CBARP: variants seen among roughly 807,000 people sequenced by gnomAD.
The protein encoded by CBARP is voltage-dependent calcium channel beta subunit-associated regulatory protein.
CBARP carries 24 observed loss-of-function variants against 36.3 expected under a neutral mutation model. That is an observed-to-expected ratio of 0.66 (90% CI 0.48 to 0.93). The LOEUF is 0.93. Among genes scored for constraint, CBARP ranks in the 40% least tolerant of loss-of-function variants. The pLI is 0.00. For missense variants in CBARP, 1,146 were observed against 980.4 expected (o/e 1.17, Z -2.26); for synonymous variants, 586 against 453.2 (o/e 1.29, Z -3.72).
chr19:1,229,283 C>T lies in CBARP; in HGVS notation c.2014G>A (p.Gly672Ser), dbSNP rs1222339206. 1.6e-6 allele frequency: 2 copies of T among 1,257,630 alleles called. No individual in the cohort carries two copies. Among genetic ancestry groups the T allele is most frequent in the Admixed American group, 2.5e-5 (1 of 39,788 alleles). 77.9% of individuals were successfully genotyped at this position (1,257,630 alleles called of 1,614,324 possible). The change falls in exon 10 of 10, where the codon GGC becomes AGC. Residue 672 changes from glycine to serine, a missense_variant. Transcript: ENST00000650044. The surrounding 1 kb of genome is among the most constrained non-coding windows in gnomAD (Gnocchi z 5.1). ...SGSVLDKLAAGLDERLFPPRL... is the reference protein window; with the variant it reads ...SGSVLDKLAASLDERLFPPRL... ...GGCGGAAAGAGTCTCTCGTCGAGGC[C>T]AGCCGCCAGCTTGTCCAGCACCGAC...
chr19:1,236,664 C>A (rs905776613), intron 1 of CBARP, among the ~76,000 whole-genome samples: 1 of 151,926 alleles, frequency 6.6e-6, no homozygotes, highest in Non-Finnish European at 1.5e-5. Context: ...GCGCGTGCTC[C>A]CGGGTCACGA....
Position 1,236,063 on chromosome 19 carries a change from G to A in CBARP, c.38C>T (p.Thr13Ile), listed in dbSNP as rs149099368. The change falls in exon 2 of 10, where the codon ACC becomes ATC. Residue 13 changes from threonine to isoleucine, a missense_variant. Transcript: ENST00000650044. Reference protein sequence around the residue: ...PTATMATAATTTTTTTATVAL... With the variant: ...PTATMATAATITTTTTATVAL... ...TACTGTGGCAGTGGTGGTGGTGGTG[G>A]TGGTGGCGGCTGTGGCCATGGTGGC... is the stretch of plus-strand genomic sequence containing the variant. 1.8e-4 allele frequency: 278 copies of A among 1,517,286 alleles called. 1 individual carries two copies. In the African/African-American group the frequency reaches 3.1e-3, roughly 17 times the overall value. The allele number at this position is 1,517,286 out of a possible 1,614,324, so 94.0% of individuals were successfully genotyped here. A position where few individuals can be genotyped will look rare whatever the true frequency, so the allele number is the denominator to read the frequency against.
chr19:1,235,428 G>A, intron 4 of CBARP, 73 bp downstream of exon 4: 1 of 1,442,392 alleles, frequency 6.9e-7, no homozygotes, highest in Non-Finnish European at 9.3e-7. Flanking sequence ...CGGTCAGGCA[G>A]CCCGAGGGGG....
chr19:1,232,054 A>C (rs1399837647), intron 8 of CBARP, among the ~76,000 whole-genome samples: 1 of 152,030 alleles, frequency 6.6e-6, no homozygotes, highest in Non-Finnish European at 1.5e-5. Flanking sequence ...CTCTCCTGCC[A>C]GCTCCACCCT....
chr19:1,234,519 C>G (rs558899960), intron 6 of CBARP, 52 bp downstream of exon 6: 4 of 1,537,808 alleles, frequency 2.6e-6, no homozygotes, highest in African/African-American at 1.4e-5. Context: ...CGGGAGTCCC[C>G]GGGGCTGCCT....
intron 9 of CBARP, chr19:1,230,824 C>T (rs894750835): frequency 1.4e-6 from 2 of 1,471,756 alleles, no homozygotes; most frequent in South Asian, 1.4e-5. Flanking sequence ...AGGCCTCGGA[C>T]TCCACCAGCA....
At chr19:1,230,928 A>G (rs974539910) in intron 9 of CBARP, 173 bp downstream of exon 9, 2 of 1,582,256 alleles carry the variant, frequency 1.3e-6, no homozygotes, top group African/African-American at 1.4e-5. Flanking sequence ...CCTCTGGTCC[A>G]TGCTGGAGAG....
chr19:1,234,555 C>T lies in CBARP; in HGVS notation c.627+16G>A, dbSNP rs1423043911. ...CCCGTCCCCCGAGGAACCGGGGCTG[C>T]TGCCCATAGGCTCACCTGGAAGATG... On this transcript the variant is annotated intron_variant, in intron 6 of 9. Transcript: ENST00000650044. 1.9e-6 allele frequency: 3 copies of T among 1,589,252 alleles called. No homozygotes were observed. The highest frequency in any genetic ancestry group is 2.7e-5 in the African/African-American group (2 of 74,710).
chr19:1,235,488 G>A lies in CBARP; in HGVS notation c.310+13C>T, dbSNP rs3213645. ...GACAGGCGAGCGCACAGCCAGGCTG[G>A]CCAGCACCTCACCTTGGGCTGGGTG... On this transcript the variant is annotated intron_variant, in intron 4 of 9. Coordinates refer to ENST00000650044, the MANE Select transcript of CBARP (RefSeq NM_001393918.1). The A allele has an allele frequency of 0.052, 81,813 of 1,576,618 alleles. 3,195 individuals are homozygous for A. Among genetic ancestry groups the A allele is most frequent in the African/African-American group, 0.15 (11,308 of 73,474 alleles).
intron 8 of CBARP, 115 bp downstream of exon 8, chr19:1,233,311 G>C: frequency 3.7e-6 from 4 of 1,091,330 alleles, no homozygotes; most frequent in Non-Finnish European, 5.2e-6. Flanking sequence ...CTCAGCCCCA[G>C]AGCACCGGCT....
rs1034084639 is a variant in CBARP, at chr19:1,237,781, GGGCGGCGGGCT to G, written c.-58_-48del. 1.3e-4 allele frequency: 19 copies of G among 149,644 alleles called. No individual in the cohort carries two copies. Among genetic ancestry groups the G allele is most frequent in the East Asian group, 5.8e-4 (3 of 5,146 alleles). 9.3% of individuals were successfully genotyped at this position (149,644 alleles called of 1,614,324 possible). A position where few individuals can be genotyped will look rare whatever the true frequency, so the allele number is the denominator to read the frequency against. ...CTCAGCGCCGGGACGAGCGGCCCATGGGCGGCGGGCTGGCGGCGGGCGGCTGCGTGGCGCTC... is the reference window on the plus strand; with the variant it reads ...CTCAGCGCCGGGACGAGCGGCCCATGGGCGGCGGGCGGCTGCGTGGCGCTC... On this transcript the variant is annotated 5_prime_UTR_variant, in exon 1 of 10. Coordinates refer to ENST00000650044, the MANE Select transcript of CBARP (RefSeq NM_001393918.1).
In CBARP at chr19:1,229,478, C is replaced by A. The variant is rs1177060018; in HGVS notation, c.1819G>T (p.Gly607Cys). The change falls in exon 10 of 10, where the codon GGC (glycine) becomes TGC (cysteine). Residue 607 changes from glycine (G) to cysteine (C), a missense_variant. Gly to Cys is a radical substitution (Grantham distance 159, BLOSUM62 -3). Transcript: ENST00000650044. The surrounding 1 kb of genome is among the most constrained non-coding windows in gnomAD (Gnocchi z 5.1). The stretch of plus-strand genomic sequence containing the variant: ...GGCGCACGCGCGGGTCGGGCCGCGC[C>A]GGCAGGCGGTGCCGGGGTTCCGGCC... ...ALAGTPAPPA[G>C]AARPARAPLR... 1.0e-6 allele frequency: 1 copy of A among 978,910 alleles called. No homozygotes were observed. The highest frequency in any genetic ancestry group is 1.2e-6 in the Non-Finnish European group (1 of 827,644). The allele number at this position is 978,910 out of a possible 1,614,324, so 60.6% of individuals were successfully genotyped here. A position where few individuals can be genotyped will look rare whatever the true frequency, so the allele number is the denominator to read the frequency against.
In CBARP at chr19:1,234,894, G is replaced by A. The variant is rs2080944118; in HGVS notation, c.455+107C>T. The A allele has an allele frequency of 2.7e-6, 4 of 1,506,464 alleles. No homozygotes were observed. In the Admixed American group the frequency reaches 8.0e-5, roughly 30 times the overall value. 93.3% of individuals were successfully genotyped at this position (1,506,464 alleles called of 1,614,324 possible). A position where few individuals can be genotyped will look rare whatever the true frequency, so the allele number is the denominator to read the frequency against. On this transcript the variant is annotated intron_variant, in intron 5 of 9. Coordinates refer to ENST00000650044, the MANE Select transcript of CBARP (RefSeq NM_001393918.1). ...GCCCCACCCCACGGTCCCAGTCCAG[G>A]AGCCTCTGCCTTGGTCCCTGCAGCC...
chr19:1,237,014 C>T (rs1172775506), intron 1 of CBARP, among the ~76,000 whole-genome samples: 2 of 152,106 alleles, frequency 1.3e-5, no homozygotes, highest in Non-Finnish European at 2.9e-5. Flanking sequence ...CGCCTGGACG[C>T]TGTGCGGCGC....
In CBARP at chr19:1,229,527, G is replaced by A. The variant is rs1403735258; in HGVS notation, c.1770C>T (p.Pro590=). ...QWQRGRQHSD[P]GARAAPALAG... is the part of the protein sequence containing the mutation. ...CCAGGGCCGGGGCCGCGCGGGCGCC[G>A]GGGTCGCTGTGCTGCCGGCCACGCT... The change falls in exon 10 of 10, where the codon CCC becomes CCT. Residue 590 remains proline, a synonymous_variant. Transcript: ENST00000650044. This position sits in a 1 kb window ranked among gnomAD's most constrained non-coding sequence, Gnocchi z 5.1. 1.0e-6 allele frequency: 1 copy of A among 980,034 alleles called. No individual in the cohort carries two copies. 60.7% of individuals were successfully genotyped at this position (980,034 alleles called of 1,614,324 possible). A position where few individuals can be genotyped will look rare whatever the true frequency, so the allele number is the denominator to read the frequency against.
At chr19:1,238,468 TCACAGACCCCGG>T (rs1367827071), upstream of CBARP, 1 of 139,310 alleles carries the variant, frequency 7.2e-6, no homozygotes, top group African/African-American at 3.1e-5. Context: ...GTGACAGCGA[TCACAGACCCCGG>T]CACAAAGCTG....
Position 1,237,736 on chromosome 19 carries a change from C to G in CBARP, c.-22+20G>C, listed in dbSNP as rs938280031. ...CTGTCCCCCGTCCGCCCCCCGCAGC[C>G]CCGAGCCCGCCGCGCCTACCTCAGC... On this transcript the variant is annotated intron_variant, in intron 1 of 9. Coordinates refer to ENST00000650044, the MANE Select transcript of CBARP (RefSeq NM_001393918.1). 1 of 150,350 alleles carries G rather than the reference C, an allele frequency of 6.7e-6. No homozygotes were observed. The highest frequency in any genetic ancestry group is 1.5e-5 in the Non-Finnish European group (1 of 67,364). 9.3% of individuals were successfully genotyped at this position (150,350 alleles called of 1,614,324 possible). A position where few individuals can be genotyped will look rare whatever the true frequency, so the allele number is the denominator to read the frequency against.
At chr19:1,231,016 G>A (rs1232292708) in intron 9 of CBARP, 85 bp downstream of exon 9, 1 of 1,549,012 alleles carries the variant, frequency 6.5e-7, no homozygotes, top group Non-Finnish European at 8.7e-7. Flanking sequence ...GGCCTGGAGA[G>A]CGCTCCCTGG....
rs1223657149 is a variant in CBARP, at chr19:1,235,836, A to G, written c.188T>C (p.Leu63Ser). Reference protein sequence around the residue: ...SLFVGGTLVVLSGVLLLCKRC... With the variant: ...SLFVGGTLVVSSGVLLLCKRC... ...CTTGCAGAGGAGCAGGACGCCAGAC[A>G]ACACCACCAGCGTGCCCCCCACGAA... is the stretch of plus-strand genomic sequence containing the variant. Residue 63 changes from leucine (L) to serine (S), a missense_variant, in exon 3 of 10, where the codon TTG (leucine) becomes TCG (serine). Coordinates refer to ENST00000650044, the MANE Select transcript of CBARP (RefSeq NM_001393918.1). 3 of 1,611,338 alleles carry G rather than the reference A, an allele frequency of 1.9e-6. No individual in the cohort carries two copies. The highest frequency in any genetic ancestry group is 2.5e-6 in the Non-Finnish European group (3 of 1,179,906).
Sources: allele counts gnomAD v4.1 joint callset (sites outside exome capture counted in the v4.1 genomes callset), GRCh38; gene constraint gnomAD v4.1.1; non-coding constraint Gnocchi (gnomAD v3.1); transcripts MANE v1.5; gene names NCBI Gene and HGNC (gene_info 2026-07-23, HGNC 2026-07-21).